ABR: variants seen among roughly 807,000 people sequenced by gnomAD.
ABR encodes active breakpoint cluster region-related protein.
ABR carries 35 observed loss-of-function variants against 107.2 expected under a neutral mutation model. The observed-to-expected ratio is 0.33, with a 90% CI of 0.25 to 0.43. ABR has a LOEUF of 0.43. ABR is among the 20% of genes least tolerant of loss of function. ABR has a pLI of 1.00. For missense variants in ABR, 815 were observed against 1,115.2 expected (o/e 0.73, Z 3.83); for synonymous variants, 498 against 462.0 (o/e 1.08, Z -1.00).
rs771747221 is a variant in ABR at position 1,070,124 on chromosome 17, G to A, written c.895-34C>T. The A allele has an allele frequency of 2.7e-5, 44 of 1,612,346 alleles. No individual in the cohort carries two copies. Among genetic ancestry groups the A allele is most frequent in the Non-Finnish European group, 3.5e-5 (41 of 1,179,424 alleles). On this transcript the variant is annotated intron_variant, in intron 8 of 22. Transcript: ENST00000302538. This position sits in a 1 kb window ranked among gnomAD's most constrained non-coding sequence, Gnocchi z 4.2. ...GATGGCAGACCCCCCAGCCTGCTCAGAGGGGAATGCGGCCGAGGGCAGAGC... is the reference window on the plus strand; with the variant it reads ...GATGGCAGACCCCCCAGCCTGCTCAAAGGGGAATGCGGCCGAGGGCAGAGC...
At chr17:1,072,900 G>T in intron 7 of ABR, 146 bp from the exon 8 acceptor site, 1 of 1,150,374 alleles carries the variant, frequency 8.7e-7, no homozygotes, top group Non-Finnish European at 1.2e-6. Context: ...TCAGAGTCAG[G>T]CCGGGCACGG....
At chr17:1,068,735 GAGA>G (rs973283610) in intron 9 of ABR, among the ~76,000 whole-genome samples, 25 of 152,186 alleles carry the variant, frequency 1.6e-4, no homozygotes, top group African/African-American at 6.0e-4. Context: ...CCCGGGTAGA[GAGA>G]AGGAGGCTCA....
At chr17:1,130,459 G>GC (rs201228429) in intron 1 of ABR, among the ~76,000 whole-genome samples, 1,653 of 151,562 alleles carry the variant, frequency 0.011, 29 homozygotes, top group African/African-American at 0.039. Context: ...AGACCGTGTT[G>GC]CCCCCCATTC....
At position 1,154,571 on chromosome 17, in the gene ABR, TGA is replaced by T. The variant is rs1429531449; in HGVS notation, c.61+25094_61+25095del. On this transcript the variant is annotated intron_variant, in intron 1 of 22. Coordinates refer to ENST00000302538, the MANE Select transcript of ABR (RefSeq NM_021962.5). The surrounding 1 kb of genome is among the most constrained non-coding windows in gnomAD (Gnocchi z 4.0). ...TCCTCTGCACGGAAGGCACACTAGC[TGA>T]GAGCCCGTTCAAGCATCCACATCCC... 1 of 152,112 alleles carries T rather than the reference TGA, an allele frequency of 6.6e-6. No homozygotes were observed. Among genetic ancestry groups the T allele is most frequent in the Non-Finnish European group, 1.5e-5 (1 of 68,076 alleles). The allele number at this position is 152,112 out of a possible 1,614,324, so 9.4% of individuals were successfully genotyped here.
Position 1,150,387 on chromosome 17 carries a change from C to T in ABR, c.62-25020G>A, listed in dbSNP as rs561226779. Among the ~76,000 whole-genome samples, 2 of 152,242 alleles carry T rather than the reference C, an allele frequency of 1.3e-5. No homozygotes were observed. Among genetic ancestry groups the T allele is most frequent in the African/African-American group, 4.8e-5 (2 of 41,546 alleles). On this transcript the variant is annotated intron_variant, in intron 1 of 22. Transcript: ENST00000302538. This position sits in a 1 kb window ranked among gnomAD's most constrained non-coding sequence, Gnocchi z 4.8. ...AGCACTTGCTGTGTGCTGGGAGTTG[C>T]GGTAGACACTGTCCTGTATGATTCC...
chr17:1,133,183 G>C (rs538234901), intron 1 of ABR, among the ~76,000 whole-genome samples: 1 of 151,964 alleles, frequency 6.6e-6, no homozygotes, highest in South Asian at 2.1e-4. Context: ...TGGAGGTTGC[G>C]GTGAGCCAAG....
In ABR at chr17:1,146,613, A is replaced by ACCACTGCCACATGC. The variant is rs2040537828; in HGVS notation, c.62-21247_62-21246insGCATGTGGCAGTGG. ...GCCACCATGCCACCACTGCCACATG[A>ACCACTGCCACATGC]CACCACTGCCACCACTGCCACATGC... On this transcript the variant is annotated intron_variant, in intron 1 of 22. Coordinates refer to ENST00000302538, the MANE Select transcript of ABR (RefSeq NM_021962.5). Among the ~76,000 whole-genome samples the ACCACTGCCACATGC allele has an allele frequency of 1.1e-3, 169 of 148,390 alleles. 1 individual carries two copies. Among genetic ancestry groups the ACCACTGCCACATGC allele is most frequent in the African/African-American group, 4.1e-3 (162 of 39,870 alleles).
chr17:1,060,626 G>A lies in ABR; in HGVS notation c.1183-1759C>T, dbSNP rs142852681. Among the ~76,000 whole-genome samples, 16 of 152,218 alleles carry A rather than the reference G, an allele frequency of 1.1e-4. No individual in the cohort carries two copies. In the East Asian group the frequency reaches 2.3e-3, roughly 22 times the overall value. ...TTTACCCTGTACATGCTGGTACTAC[G>A]AGCATTTCTCATTAAAACCAGCCAG... On this transcript the variant is annotated intron_variant, in intron 10 of 22. Coordinates refer to ENST00000302538, the MANE Select transcript of ABR (RefSeq NM_021962.5).
chr17:1,007,150 G>A lies in ABR; in HGVS notation c.2490+15C>T, dbSNP rs1246615532. ...CACCCTCCGCCAGCCACGGGCCCGG[G>A]CGGTGCCAGGGTACCTGCGCCATGA... is the stretch of plus-strand genomic sequence containing the variant. On this transcript the variant is annotated intron_variant, in intron 22 of 22. Coordinates refer to ENST00000302538, the MANE Select transcript of ABR (RefSeq NM_021962.5). 1 of 1,602,516 alleles carries A rather than the reference G, an allele frequency of 6.2e-7. No individual in the cohort carries two copies. Among genetic ancestry groups the A allele is most frequent in the African/African-American group, 1.3e-5 (1 of 74,288 alleles).
chr17:1,123,598 G>A (rs77224955), intron 2 of ABR, among the ~76,000 whole-genome samples: 6,464 of 152,290 alleles, frequency 0.042, 218 homozygotes, highest in South Asian at 0.12. Context: ...GGGAGGTGGC[G>A]CGGGGACAGG....
intron 7 of ABR, among the ~76,000 whole-genome samples, chr17:1,073,309 G>A (rs577153068): frequency 9.9e-5 from 15 of 151,512 alleles, no homozygotes; most frequent in African/African-American, 3.1e-4. Flanking sequence ...TCATCCCCCC[G>A]AGCAGCTGGG....
At chr17:1,061,463 T>G (rs1050911842) in intron 10 of ABR, among the ~76,000 whole-genome samples, 1 of 152,204 alleles carries the variant, frequency 6.6e-6, no homozygotes, top group Non-Finnish European at 1.5e-5. Flanking sequence ...CTTTCCCCTG[T>G]TCAAAGGGAG....
Position 1,071,262 on chromosome 17 carries a change from A to C in ABR, c.895-1172T>G, listed in dbSNP as rs2035213395. On this transcript the variant is annotated intron_variant, in intron 8 of 22. Transcript: ENST00000302538. The surrounding 1 kb of genome is among the most constrained non-coding windows in gnomAD (Gnocchi z 5.1). The stretch of plus-strand genomic sequence containing the variant: ...AGACGACGGGATCCCCAGACGCTGC[A>C]CATCAGCACCAGGAGCCGCACGGAA... Among the ~76,000 whole-genome samples, 1 of 152,134 alleles carries C rather than the reference A, an allele frequency of 6.6e-6. No individual in the cohort carries two copies. Among genetic ancestry groups the C allele is most frequent in the South Asian group, 2.1e-4 (1 of 4,830 alleles).
chr17:1,056,645 T>C (rs1389523152), intron 13 of ABR, among the ~76,000 whole-genome samples: 2 of 152,104 alleles, frequency 1.3e-5, no homozygotes, highest in Admixed American at 6.6e-5. Flanking sequence ...TTGCTTGGGA[T>C]TCAAGGCCTT....
intron 1 of ABR, among the ~76,000 whole-genome samples, chr17:1,209,874 T>C (rs951220592): frequency 6.6e-6 from 1 of 152,224 alleles, no homozygotes; most frequent in Non-Finnish European, 1.5e-5. Context: ...CTGGAAAAAG[T>C]TGCATTTATC....
At chr17:1,102,137 C>T (rs1281870928) in intron 2 of ABR, among the ~76,000 whole-genome samples, 1 of 152,182 alleles carries the variant, frequency 6.6e-6, no homozygotes, top group Admixed American at 6.5e-5. Context: ...CCCGTCCCTA[C>T]CCTTCCAGTC....
rs1458619780 is a variant in ABR at position 1,179,412 on chromosome 17, G to A, written c.61+255C>T. 6.6e-6 allele frequency among the ~76,000 whole-genome samples: 1 copy of A among 151,898 alleles called. No individual in the cohort carries two copies. Among genetic ancestry groups the A allele is most frequent in the South Asian group, 2.1e-4 (1 of 4,822 alleles). ...CGCCCACGGTCCCCGCCCCCGGACC[G>A]CAGGAATCCTCTCTGGGGACCCCCC... On this transcript the variant is annotated intron_variant, in intron 1 of 22. Coordinates refer to ENST00000302538, the MANE Select transcript of ABR (RefSeq NM_021962.5). This position sits in a 1 kb window ranked among gnomAD's most constrained non-coding sequence, Gnocchi z 4.9.
At chr17:1,026,709 C>G (rs560745652) in intron 16 of ABR, among the ~76,000 whole-genome samples, 2 of 152,182 alleles carry the variant, frequency 1.3e-5, no homozygotes, top group Non-Finnish European at 2.9e-5. Flanking sequence ...GTCTGTTCCT[C>G]GAAGGTGCTG....
At chr17:1,094,050 G>A (rs142827488) in intron 3 of ABR, among the ~76,000 whole-genome samples, 4 of 151,626 alleles carry the variant, frequency 2.6e-5, no homozygotes, top group East Asian at 3.9e-4. Flanking sequence ...CTCGGTGTCC[G>A]GTCAGGCCCC....
Sources: gnomAD v4.1 joint callset for allele counts (sites outside exome capture counted in the v4.1 genomes callset) on GRCh38, gnomAD v4.1.1 for gene constraint, Gnocchi (gnomAD v3.1) non-coding constraint, MANE v1.5 for transcripts, NCBI Gene and HGNC (gene_info 2026-07-23, HGNC 2026-07-21) for gene names.